The following FAM3C variants were observed in gnomAD, a reference collection of about 807,000 sequenced individuals.
FAM3C encodes the protein FAM3 metabolism regulating signaling molecule C.
Under a neutral mutation model 32.5 loss-of-function variants are expected in FAM3C, and 15 were observed. That is an observed-to-expected ratio of 0.46 (90% confidence interval 0.31 to 0.71). The LOEUF (loss-of-function observed/expected upper bound fraction) is 0.71, where lower values mean the gene tolerates loss of function less well. Among genes scored for constraint, FAM3C ranks in the 30% least tolerant of loss-of-function variants. The pLI, the probability that FAM3C is intolerant of heterozygous loss-of-function variation, is 0.05. For synonymous variants in FAM3C, 75 were observed against 86.1 expected, an observed-to-expected ratio of 0.87 and a Z score of 0.72; for missense variants, 175 against 274.4, an observed-to-expected ratio of 0.64 and a Z score of 2.56.
intron 1 of FAM3C, among the ~76,000 whole-genome samples, chr7:121,385,835 T>G (rs1282260361): frequency 6.6e-6 from 1 of 152,172 alleles, no homozygotes. Context: ...GTCAGTGCAA[T>G]TCACACACAC....
intron 5 of FAM3C, among the ~76,000 whole-genome samples, chr7:121,370,268 A>T (rs1045530881): frequency 2.6e-5 from 4 of 152,214 alleles, no homozygotes; most frequent in Admixed American, 2.6e-4. Flanking sequence ...CTTAATGATC[A>T]TCTAGCTCAA....
At chr7:121,389,284 C>T (rs1794530580) in intron 1 of FAM3C, among the ~76,000 whole-genome samples, 1 of 151,664 alleles carries the variant, frequency 6.6e-6, no homozygotes, top group South Asian at 2.1e-4. Context: ...AAGAGACCTA[C>T]AGTTATTCTT....
intron 5 of FAM3C, among the ~76,000 whole-genome samples, chr7:121,366,527 G>C (rs566777474): frequency 6.6e-6 from 1 of 152,258 alleles, no homozygotes; most frequent in East Asian, 1.9e-4. Flanking sequence ...TAGGGTTTGG[G>C]GGTGGGGAAG....
chr7:121,369,709 G>C (rs1391743098), intron 5 of FAM3C, among the ~76,000 whole-genome samples: 3 of 152,174 alleles, frequency 2.0e-5, no homozygotes, highest in Admixed American at 2.0e-4. Context: ...ATAGAGAACA[G>C]CTTCTAAGAC....
rs530563751 is a variant in FAM3C, at chr7:121,383,764, A to AT, written c.-41-755dup. On this transcript the variant is annotated intron_variant, in intron 1 of 9. Coordinates refer to ENST00000359943, the MANE Select transcript of FAM3C (RefSeq NM_014888.3). ...TAAGAAATAACTCAAAATAGGTGAC[A>AT]TTTTGAAAAGAAAATGAAAAAATAA... Among the ~76,000 whole-genome samples, 302 of 152,300 alleles carry AT rather than the reference A, an allele frequency of 2.0e-3. 1 individual carries two copies. The highest frequency in any genetic ancestry group is 3.7e-3 in the Non-Finnish European group (251 of 68,008).
chr7:121,354,037 GA>G (rs1472004850), intron 8 of FAM3C, among the ~76,000 whole-genome samples: 10 of 152,110 alleles, frequency 6.6e-5, no homozygotes, highest in African/African-American at 2.2e-4. Flanking sequence ...TGCCTATGTA[GA>G]ATTTGGTTGA....
intron 8 of FAM3C, among the ~76,000 whole-genome samples, chr7:121,354,266 G>A (rs1223590648): frequency 1.3e-5 from 2 of 152,126 alleles, no homozygotes; most frequent in African/African-American, 2.4e-5. Context: ...GGCACTCTGA[G>A]TTTGTTACAT....
chr7:121,375,836 T>C (rs1339207566), intron 3 of FAM3C, among the ~76,000 whole-genome samples: 1 of 152,232 alleles, frequency 6.6e-6, no homozygotes, highest in East Asian at 1.9e-4. Context: ...CTTTCCTTGC[T>C]GGTTCAGTCT....
At chr7:121,364,430 T>C in intron 5 of FAM3C, 1 of 412,138 alleles carries the variant, frequency 2.4e-6, no homozygotes. Context: ...ATATTAGGCC[T>C]GAAATAATAG....
intron 8 of FAM3C, 30 bp downstream of exon 8, chr7:121,360,013 G>C (rs902956509): frequency 9.0e-7 from 1 of 1,111,764 alleles, no homozygotes; most frequent in Non-Finnish European, 1.4e-6. Context: ...ACAAATTATA[G>C]TTCCAAAAAG....
chr7:121,376,816 T>C (rs146251820), intron 3 of FAM3C, among the ~76,000 whole-genome samples: 24 of 152,292 alleles, frequency 1.6e-4, no homozygotes, highest in African/African-American at 4.6e-4. Context: ...ATGCAGTCCA[T>C]GGACAGGGAT....
chr7:121,381,032 G>A (rs1794340370), intron 2 of FAM3C, among the ~76,000 whole-genome samples: 1 of 152,102 alleles, frequency 6.6e-6, no homozygotes, highest in South Asian at 2.1e-4. Flanking sequence ...GAAACTAGCA[G>A]TCTCCATGGG....
chr7:121,365,239 G>A (rs568975029), intron 5 of FAM3C, among the ~76,000 whole-genome samples: 14 of 152,090 alleles, frequency 9.2e-5, no homozygotes, highest in Non-Finnish European at 1.2e-4. Context: ...ATTGATGAAT[G>A]AGCTCAGTTC....
chr7:121,364,376 A>G, intron 5 of FAM3C, 188 bp from the exon 6 acceptor site: 1 of 487,664 alleles, frequency 2.1e-6, no homozygotes, highest in Non-Finnish European at 3.6e-6. Context: ...TTTTAAAGCA[A>G]TGTCCTTAAA....
chr7:121,369,252 A>G (rs1480192336), intron 5 of FAM3C, among the ~76,000 whole-genome samples: 1 of 152,014 alleles, frequency 6.6e-6, no homozygotes, highest in Non-Finnish European at 1.5e-5. Context: ...AAGTGCTGGG[A>G]TTACAGGCAT....
intron 4 of FAM3C, among the ~76,000 whole-genome samples, 180 bp downstream of exon 4, chr7:121,371,930 C>G (rs1417838344): frequency 1.3e-5 from 2 of 152,116 alleles, no homozygotes; most frequent in East Asian, 3.9e-4. Context: ...CACAAAATAT[C>G]CATCATGAAT....
intron 9 of FAM3C, 95 bp downstream of exon 9, chr7:121,351,048 G>T: frequency 2.7e-6 from 3 of 1,102,388 alleles, no homozygotes; most frequent in Non-Finnish European, 2.6e-6. Context: ...TTTACTATCC[G>T]CTTTATCTAA....
chr7:121,364,451 T>G (rs1793985317), intron 5 of FAM3C: 1 of 364,012 alleles, frequency 2.7e-6, no homozygotes, highest in Non-Finnish European at 4.9e-6. Context: ...ACCATTTTTG[T>G]GCTACACTGC....
rs771962743 is a variant in FAM3C at position 121,358,600 on chromosome 7, A to C, written c.467+1443T>G. 9.2e-5 allele frequency among the ~76,000 whole-genome samples: 14 copies of C among 152,218 alleles called. No homozygotes were observed. The South Asian group carries it at 2.9e-3, about 32-fold the overall frequency. On this transcript the variant is annotated intron_variant, in intron 8 of 9. Transcript: ENST00000359943. ...GGTCAAGTGAATGGAACAGAACAGA[A>C]ATTCCAGAGATAAAGCCAAATCTAC...
Sources: gnomAD v4.1 joint callset for allele counts (sites outside exome capture counted in the v4.1 genomes callset) on GRCh38, gnomAD v4.1.1 for gene constraint, MANE v1.5 for transcripts, NCBI Gene and HGNC (gene_info 2026-07-23, HGNC 2026-07-21) for gene names.